The following TANC1 variants were observed in gnomAD, a reference collection of about 807,000 sequenced individuals.
TANC1 encodes tetratricopeptide repeat, ankyrin repeat and coiled-coil containing 1.
TANC1 carries 77 observed loss-of-function variants against 149.7 expected under a neutral mutation model. The observed-to-expected ratio is 0.51, with a 90% CI of 0.43 to 0.62. The LOEUF is 0.62. Ranked by LOEUF, TANC1 falls within the 20% of genes least tolerant of loss-of-function variation. TANC1 has a pLI of 0.00. For synonymous variants in TANC1, 854 were observed against 925.0 expected (o/e 0.92, Z 1.39); for missense variants, 1,985 against 2,321.8 (o/e 0.85, Z 2.98).
At chr2:159,205,727 G>A (rs947364858) in intron 19 of TANC1, among the ~76,000 whole-genome samples, 2 of 152,210 alleles carry the variant, frequency 1.3e-5, no homozygotes, top group African/African-American at 4.8e-5. Flanking sequence ...CATTTCTCAG[G>A]ATGCATCCCT....
chr2:159,217,145 T>G (rs947082320), intron 19 of TANC1, among the ~76,000 whole-genome samples: 8 of 152,146 alleles, frequency 5.3e-5, no homozygotes, highest in African/African-American at 1.9e-4. Flanking sequence ...GTGCTGGCTG[T>G]CTGCTGGGAG....
chr2:159,183,430 G>A (rs868794635), intron 14 of TANC1, among the ~76,000 whole-genome samples: 53 of 152,208 alleles, frequency 3.5e-4, no homozygotes, highest in Admixed American at 1.1e-3. Flanking sequence ...ACTCGGTGAG[G>A]AAGCTCATGT....
intron 5 of TANC1, chr2:159,148,392 C>T (rs1246471604): frequency 1.3e-5 from 2 of 152,294 alleles, no homozygotes; most frequent in African/African-American, 4.8e-5. Context: ...CTCTTAAGTA[C>T]AAAAAAACCA....
At chr2:159,194,682 C>G (rs2057719611) in intron 17 of TANC1, among the ~76,000 whole-genome samples, 189 bp downstream of exon 17, 1 of 152,232 alleles carries the variant, frequency 6.6e-6, no homozygotes, top group Non-Finnish European at 1.5e-5. Context: ...TCATACACAG[C>G]AACTCTGCTT....
intron 19 of TANC1, among the ~76,000 whole-genome samples, chr2:159,206,003 A>G (rs1315937773): frequency 2.6e-5 from 4 of 152,222 alleles, no homozygotes; most frequent in African/African-American, 9.6e-5. Flanking sequence ...TTTTTTATCA[A>G]GGCATTCCTT....
At chr2:159,063,270 T>C (rs2042398921) in intron 2 of TANC1, among the ~76,000 whole-genome samples, 1 of 152,182 alleles carries the variant, frequency 6.6e-6, no homozygotes. Context: ...TAGGGGTATG[T>C]GTTTATAAGT....
intron 4 of TANC1, among the ~76,000 whole-genome samples, chr2:159,107,876 C>T (rs545969466): frequency 1.6e-4 from 25 of 152,310 alleles, no homozygotes; most frequent in African/African-American, 3.4e-4. Context: ...CTTTATTTCG[C>T]GTCTCTGCCC....
At chr2:159,228,189 T>C (rs2060133385) in intron 25 of TANC1, 1 of 533,850 alleles carries the variant, frequency 1.9e-6, no homozygotes, top group Non-Finnish European at 3.3e-6. Context: ...TTGGGTTTCG[T>C]TTCCTTGGCC....
rs556072643 is a variant in TANC1, at chr2:159,177,301, AT to A, written c.1902+793del. Among the ~76,000 whole-genome samples, 19 of 149,850 alleles carry A rather than the reference AT, an allele frequency of 1.3e-4. No individual in the cohort carries two copies. The South Asian group carries it at 1.7e-3, about 13-fold the overall frequency. On this transcript the variant is annotated intron_variant, in intron 13 of 26. Coordinates refer to ENST00000263635, the MANE Select transcript of TANC1 (RefSeq NM_033394.3). ...AACATTTGCAGCGAGGGGTAGGGTG[AT>A]TTTTTTTTTCTCCTCCATCTTCTTC...
chr2:159,136,051 C>CGTGT, intron 4 of TANC1, 143 bp from the exon 5 acceptor site: 7 of 127,264 alleles, frequency 5.5e-5, no homozygotes, highest in Non-Finnish European at 8.1e-5. Context: ...TGTGTGTGTG[C>CGTGT]GCGCGCGCGC....
chr2:159,156,406 A>G (rs2053445719), intron 7 of TANC1, among the ~76,000 whole-genome samples: 1 of 152,206 alleles, frequency 6.6e-6, no homozygotes, highest in African/African-American at 2.4e-5. Flanking sequence ...CTGTACTTTT[A>G]TTCAGACTGT....
intron 16 of TANC1, among the ~76,000 whole-genome samples, chr2:159,187,316 C>CA (rs1473800152): frequency 3.9e-5 from 6 of 152,334 alleles, no homozygotes; most frequent in African/African-American, 1.4e-4. Context: ...AATCAAAGAT[C>CA]AGAGAGATTT....
chr2:159,228,749 C>T (rs778359704), intron 25 of TANC1, 47 bp from the exon 26 acceptor site: 16 of 1,389,642 alleles, frequency 1.2e-5, no homozygotes, highest in Non-Finnish European at 1.6e-5. Context: ...TTCCCACAAT[C>T]GTGTGTCCAG....
intron 7 of TANC1, among the ~76,000 whole-genome samples, chr2:159,161,887 T>C (rs1022699508): frequency 2.0e-5 from 3 of 152,244 alleles, no homozygotes; most frequent in Admixed American, 6.5e-5. Context: ...ATTTGCTCAT[T>C]CATTCAATTA....
At chr2:158,983,468 C>CA (rs35472970) in intron 1 of TANC1, among the ~76,000 whole-genome samples, 1,158 of 88,500 alleles carry the variant, frequency 0.013, 17 homozygotes, top group African/African-American at 0.015. Context: ...CTCCGTCTCC[C>CA]AAAAAAAAAA....
intron 1 of TANC1, among the ~76,000 whole-genome samples, chr2:158,981,528 T>TATATATATATATATATAC (rs1559096425): frequency 2.4e-4 from 28 of 114,530 alleles, no homozygotes; most frequent in African/African-American, 9.2e-4. Context: ...TATATATATA[T>TATATATATATATATATAC]ATATATATAT....
At chr2:159,087,534 G>T (rs1452212792) in intron 3 of TANC1, among the ~76,000 whole-genome samples, 2 of 149,638 alleles carry the variant, frequency 1.3e-5, no homozygotes, top group South Asian at 4.2e-4. Context: ...TTGACACAGG[G>T]TCTCCTTTTG....
chr2:159,206,088 A>G (rs570347522), intron 19 of TANC1, among the ~76,000 whole-genome samples: 1 of 152,328 alleles, frequency 6.6e-6, no homozygotes, highest in African/African-American at 2.4e-5. Context: ...GTCAGTCAGA[A>G]CTATCCTCGG....
At chr2:159,022,685 C>T (rs1302058436) in intron 2 of TANC1, among the ~76,000 whole-genome samples, 2 of 152,088 alleles carry the variant, frequency 1.3e-5, no homozygotes, top group Non-Finnish European at 2.9e-5. Flanking sequence ...TTGCAGTGAG[C>T]TGAGATCACA....
Sources: allele counts gnomAD v4.1 joint callset (sites outside exome capture counted in the v4.1 genomes callset), GRCh38; gene constraint gnomAD v4.1.1; transcripts MANE v1.5; gene names NCBI Gene and HGNC (gene_info 2026-07-23, HGNC 2026-07-21).